RYR2: variants seen among roughly 807,000 people sequenced by gnomAD.
RYR2 encodes the protein cardiac muscle ryanodine receptor-calcium release channel.
Under a neutral mutation model 601.1 loss-of-function variants are expected in RYR2, and 227 were observed. The observed-to-expected ratio is 0.38, with a 90% CI of 0.34 to 0.42. The LOEUF is 0.42. Ranked by LOEUF, RYR2 falls within the 10% of genes least tolerant of loss-of-function variation. The pLI is 1.00. For synonymous variants in RYR2, 2,223 were observed against 2,175.1 expected (o/e 1.02, Z -0.61); for missense variants, 4,646 against 6,156.5 (o/e 0.75, Z 8.21).
chr1:237,050,743 G>T (rs1661156059), intron 1 of RYR2, among the ~76,000 whole-genome samples: 1 of 152,164 alleles, frequency 6.6e-6, no homozygotes, highest in Non-Finnish European at 1.5e-5. Context: ...AAAGCTTACA[G>T]GAAAAATGAT....
At chr1:237,728,428 A>AC (rs1389409127) in intron 76 of RYR2, among the ~76,000 whole-genome samples, 1 of 152,124 alleles carries the variant, frequency 6.6e-6, no homozygotes, top group East Asian at 1.9e-4. Flanking sequence ...CAATCCCATG[A>AC]CTGGGTATAT....
intron 60 of RYR2, among the ~76,000 whole-genome samples, chr1:237,676,610 T>C (rs1431560508): frequency 6.6e-6 from 1 of 152,192 alleles, no homozygotes; most frequent in Non-Finnish European, 1.5e-5. Flanking sequence ...ATATCGTGTT[T>C]ATTTTAATTT....
At chr1:237,564,750 G>T (rs1424443198) in intron 27 of RYR2, among the ~76,000 whole-genome samples, 2 of 152,158 alleles carry the variant, frequency 1.3e-5, no homozygotes, top group Non-Finnish European at 2.9e-5. Flanking sequence ...ACTTAAGCTA[G>T]TTTCTGAAGG....
chr1:237,184,805 T>C (rs753554178), intron 1 of RYR2, among the ~76,000 whole-genome samples: 8 of 152,138 alleles, frequency 5.3e-5, no homozygotes, highest in African/African-American at 1.9e-4. Context: ...GAACTTACTA[T>C]GGTCTTGCTG....
chr1:237,610,817 C>G lies in RYR2; in HGVS notation c.4739C>G (p.Pro1580Arg). 1 of 1,611,982 alleles carries G rather than the reference C, an allele frequency of 6.2e-7. No homozygotes were observed. The highest frequency in any genetic ancestry group is 1.3e-5 in the African/African-American group (1 of 75,014). The change falls in exon 36 of 105, where the codon CCG becomes CGG. Residue 1580 changes from proline (P) to arginine (R), a missense_variant. Physicochemically the swap from Pro to Arg is moderately radical, Grantham distance 103. Around this residue, in one of 17 missense-constraint regions of RYR2, gnomAD observed 1,807 missense variants for 2,088.1 expected, o/e 0.87. Coordinates refer to ENST00000366574, the MANE Select transcript of RYR2 (RefSeq NM_001035.3). The surrounding 1 kb of genome is among the most constrained non-coding windows in gnomAD (Gnocchi z 4.9). ...LFKSEHKNPV[P>R]QCPPRLHVQF... The stretch of plus-strand genomic sequence containing the variant: ...AAGAGTGAGCACAAGAACCCCGTGC[C>G]GCAGTGCCCCCCGCGCCTCCACGTG...
rs1193381217 is a variant in RYR2 at position 237,590,889 on chromosome 1, C to T, written c.4057C>T (p.His1353Tyr). The part of the protein sequence containing the change: ...FEVLMKTAHG[H>Y]LVPDRVDKDK... ...GGTTCTGATGAAGACAGCTCATGGCCATCTAGTGCCCGATCGTGTTGACAA... is the reference window on the plus strand; with the variant it reads ...GGTTCTGATGAAGACAGCTCATGGCTATCTAGTGCCCGATCGTGTTGACAA... The change falls in exon 31 of 105, where the codon CAT becomes TAT. Residue 1353 changes from histidine (H) to tyrosine (Y), a missense_variant. Physicochemically the swap from His to Tyr is moderately conservative, Grantham distance 83 (BLOSUM62 2). Around this residue, in one of 17 missense-constraint regions of RYR2, gnomAD observed 1,807 missense variants for 2,088.1 expected, o/e 0.87. Transcript: ENST00000366574. 2 of 1,613,844 alleles carry T rather than the reference C, an allele frequency of 1.2e-6. No individual in the cohort carries two copies. Among genetic ancestry groups the T allele is most frequent in the Non-Finnish European group, 1.7e-6 (2 of 1,179,842 alleles).
intron 3 of RYR2, among the ~76,000 whole-genome samples, chr1:237,353,516 A>T (rs1236590728): frequency 6.6e-6 from 1 of 151,432 alleles, no homozygotes; most frequent in Non-Finnish European, 1.5e-5. Flanking sequence ...CTCAAGAAAA[A>T]AAAAAAAAAA....
intron 25 of RYR2, among the ~76,000 whole-genome samples, chr1:237,536,144 A>G (rs1382384937): frequency 2.6e-5 from 4 of 152,232 alleles, no homozygotes; most frequent in African/African-American, 4.8e-5. Flanking sequence ...AAAACTCAGG[A>G]GAATTTACAG....
At chr1:237,441,230 G>A (rs565641155) in intron 12 of RYR2, 89 bp from the exon 13 acceptor site, 3 of 1,414,190 alleles carry the variant, frequency 2.1e-6, no homozygotes, top group East Asian at 2.3e-5. Context: ...ATTTTTCAAG[G>A]AACATATTTG....
At chr1:237,331,249 T>C (rs879002858) in intron 3 of RYR2, among the ~76,000 whole-genome samples, 2 of 152,194 alleles carry the variant, frequency 1.3e-5, no homozygotes, top group Admixed American at 1.3e-4. Flanking sequence ...TCTTTGAGCG[T>C]TTCTGTGTTT....
chr1:237,225,784 C>T (rs368741574), intron 1 of RYR2, among the ~76,000 whole-genome samples: 5 of 152,228 alleles, frequency 3.3e-5, no homozygotes, highest in South Asian at 2.1e-4. Context: ...AGGCAGAGCA[C>T]GGTGGCTCAT....
In RYR2 at chr1:237,246,244, T is replaced by C. The variant is rs897762258; in HGVS notation, c.49-24253T>C. 6.6e-5 allele frequency among the ~76,000 whole-genome samples: 10 copies of C among 152,004 alleles called. No homozygotes were observed. The East Asian group carries it at 1.5e-3, about 24-fold the overall frequency. On this transcript the variant is annotated intron_variant, in intron 1 of 104. Coordinates refer to ENST00000366574, the MANE Select transcript of RYR2 (RefSeq NM_001035.3). ...CCAAGTAGCTGGGATTACAGGTGCATGCCACCAAGCCCGGCTAATTTTTGT... is the reference window on the plus strand; with the variant it reads ...CCAAGTAGCTGGGATTACAGGTGCACGCCACCAAGCCCGGCTAATTTTTGT...
chr1:237,193,245 C>A (rs1361560524), intron 1 of RYR2, among the ~76,000 whole-genome samples: 1 of 151,296 alleles, frequency 6.6e-6, no homozygotes, highest in East Asian at 1.9e-4. Context: ...GTGGGTGGAT[C>A]ACGAGGTCAG....
chr1:237,270,696 T>C (rs933913749), intron 2 of RYR2, 80 bp downstream of exon 2: 2 of 1,442,146 alleles, frequency 1.4e-6, no homozygotes, highest in Non-Finnish European at 1.9e-6. Flanking sequence ...CTCTCTACTA[T>C]TTTCTGTGGA....
At chr1:237,101,299 T>TA (rs374151748) in intron 1 of RYR2, among the ~76,000 whole-genome samples, 38,018 of 93,140 alleles carry the variant, frequency 0.41, 7,153 homozygotes, top group Non-Finnish European at 0.53. Flanking sequence ...TTTTAGAAGT[T>TA]AAAAAAAAAA....
At chr1:237,594,900 T>TTTTTTG (rs1675674932) in intron 33 of RYR2, among the ~76,000 whole-genome samples, 1 of 23,352 alleles carries the variant, frequency 4.3e-5, no homozygotes, top group African/African-American at 6.7e-5. Flanking sequence ...TTTTTTTTTT[T>TTTTTTG]TTTTTTTTTT....
intron 24 of RYR2, among the ~76,000 whole-genome samples, chr1:237,520,759 G>C (rs1050030779): frequency 3.3e-5 from 5 of 152,162 alleles, no homozygotes; most frequent in Non-Finnish European, 7.4e-5. Context: ...TCAGTGGCCA[G>C]GTGCGGTGGC....
At chr1:237,403,387 T>C (rs1301114757) in intron 10 of RYR2, among the ~76,000 whole-genome samples, 2 of 152,132 alleles carry the variant, frequency 1.3e-5, no homozygotes, top group African/African-American at 4.8e-5. Context: ...AAAGAAAATA[T>C]CTGGCAATCT....
chr1:237,716,018 G>T (rs1294891692), intron 71 of RYR2, among the ~76,000 whole-genome samples: 1 of 152,020 alleles, frequency 6.6e-6, no homozygotes, highest in African/African-American at 2.4e-5. Flanking sequence ...ATAAAAATGG[G>T]ATTCATGCAA....
Sources: gnomAD v4.1 joint callset for allele counts (sites outside exome capture counted in the v4.1 genomes callset) on GRCh38, gnomAD v4.1.1 for gene constraint, gnomAD v4.1.1 regional missense constraint, Gnocchi (gnomAD v3.1) non-coding constraint, MANE v1.5 for transcripts, NCBI Gene and HGNC (gene_info 2026-07-23, HGNC 2026-07-21) for gene names.